The following MSRB3 variants were observed in gnomAD, a reference collection of about 807,000 sequenced individuals.
MSRB3 encodes the protein methionine-R-sulfoxide reductase B3.
In MSRB3, 13 loss-of-function variants were observed where a neutral mutation model predicts 21.0. The observed-to-expected ratio is 0.62, with a 90% confidence interval of 0.40 to 0.98. The LOEUF (loss-of-function observed/expected upper bound fraction) is 0.98, where lower values mean the gene tolerates loss of function less well. MSRB3 is among the 50% of genes least tolerant of loss of function. The pLI, the probability that MSRB3 is intolerant of heterozygous loss-of-function variation, is 0.00. For synonymous variants in MSRB3, 87 were observed against 88.6 expected (o/e 0.98, Z 0.10); for missense variants, 199 against 230.3 (o/e 0.86, Z 0.88).
At chr12:65,318,333 A>G (rs901135535) in intron 2 of MSRB3, among the ~76,000 whole-genome samples, 8 of 152,166 alleles carry the variant, frequency 5.3e-5, no homozygotes, top group African/African-American at 1.9e-4. Context: ...TAAAATTTGC[A>G]TGATAATCTA....
intron 2 of MSRB3, among the ~76,000 whole-genome samples, chr12:65,310,447 G>A (rs1376205245): frequency 6.6e-6 from 1 of 152,176 alleles, no homozygotes; most frequent in African/African-American, 2.4e-5. Flanking sequence ...GTGCTTTGCA[G>A]AACCTTTTCA....
At chr12:65,454,119 A>G in intron 6 of MSRB3, 1 of 597,760 alleles carries the variant, frequency 1.7e-6, no homozygotes, top group Non-Finnish European at 3.0e-6. Flanking sequence ...CCTCGTCTCT[A>G]CAGAAAATAT....
intron 5 of MSRB3, among the ~76,000 whole-genome samples, chr12:65,403,008 C>T (rs1880215578): frequency 6.6e-6 from 1 of 152,210 alleles, no homozygotes; most frequent in African/African-American, 2.4e-5. Flanking sequence ...CGCCAGATGC[C>T]AGCCAGAGCT....
intron 1 of MSRB3, chr12:65,279,481 C>G (rs947209390): frequency 6.6e-6 from 1 of 152,198 alleles, no homozygotes; most frequent in South Asian, 2.1e-4. Context: ...CCTGGCATTT[C>G]ACAGGCCAAA....
chr12:65,339,818 A>G (rs1357365591), intron 4 of MSRB3, among the ~76,000 whole-genome samples: 1 of 152,184 alleles, frequency 6.6e-6, no homozygotes, highest in Non-Finnish European at 1.5e-5. Context: ...ACCAAACTTA[A>G]CAAAAACTGC....
chr12:65,422,649 G>T (rs531635666), intron 5 of MSRB3, among the ~76,000 whole-genome samples: 1 of 151,136 alleles, frequency 6.6e-6, no homozygotes, highest in Non-Finnish European at 1.5e-5. Context: ...GCTGTGGGTA[G>T]TATGAATATT....
chr12:65,312,609 T>A (rs1874052148), intron 2 of MSRB3, among the ~76,000 whole-genome samples: 2 of 152,070 alleles, frequency 1.3e-5, no homozygotes, highest in African/African-American at 4.8e-5. Context: ...TTGGCATATT[T>A]AATAGTTTCC....
At chr12:65,389,335 A>G (rs757263847) in intron 5 of MSRB3, among the ~76,000 whole-genome samples, 1 of 151,552 alleles carries the variant, frequency 6.6e-6, no homozygotes, top group Non-Finnish European at 1.5e-5. Flanking sequence ...ATTTTTTTTT[A>G]ATTGAGACTT....
chr12:65,406,014 C>T (rs1283052786), intron 5 of MSRB3, among the ~76,000 whole-genome samples: 1 of 151,812 alleles, frequency 6.6e-6, no homozygotes, highest in Non-Finnish European at 1.5e-5. Flanking sequence ...TTCTCTTGTT[C>T]TATAGGTTGT....
intron 5 of MSRB3, among the ~76,000 whole-genome samples, chr12:65,401,802 C>G (rs1403262890): frequency 6.6e-6 from 1 of 152,124 alleles, no homozygotes; most frequent in East Asian, 1.9e-4. Flanking sequence ...TAAGGCAAGC[C>G]TGGTGATGAC....
intron 2 of MSRB3, among the ~76,000 whole-genome samples, chr12:65,311,485 C>A (rs915516185): frequency 6.6e-6 from 1 of 151,932 alleles, no homozygotes; most frequent in Non-Finnish European, 1.5e-5. Flanking sequence ...GGATTTTGCT[C>A]TTAGATATAT....
At position 65,455,552 on chromosome 12, in the gene MSRB3, G is replaced by A. The variant is rs968099408; in HGVS notation, c.390+1727G>A. 2.6e-5 allele frequency among the ~76,000 whole-genome samples: 4 copies of A among 152,284 alleles called. No individual in the cohort carries two copies. The East Asian group carries it at 7.7e-4, about 29-fold the overall frequency. ...CTGTTATTTTACAGTTGAGGAAACT[G>A]AGGCACAAAGAGAGCAATTAAACTT... On this transcript the variant is annotated intron_variant, in intron 6 of 6. Transcript: ENST00000308259.
intron 5 of MSRB3, among the ~76,000 whole-genome samples, chr12:65,415,427 T>G (rs1880918482): frequency 6.6e-6 from 1 of 152,138 alleles, no homozygotes; most frequent in Non-Finnish European, 1.5e-5. Flanking sequence ...CCATAGACTC[T>G]TGAAGTTTGT....
At chr12:65,331,212 C>T (rs534825007) in intron 4 of MSRB3, among the ~76,000 whole-genome samples, 1 of 152,064 alleles carries the variant, frequency 6.6e-6, no homozygotes, top group Non-Finnish European at 1.5e-5. Context: ...TCAGTCAGCA[C>T]CCAGTCAGGA....
At chr12:65,349,851 T>C (rs1201635745) in intron 4 of MSRB3, among the ~76,000 whole-genome samples, 4 of 151,960 alleles carry the variant, frequency 2.6e-5, no homozygotes, top group Non-Finnish European at 4.4e-5. Context: ...TTCTCCCGTT[T>C]TGTAGGTTGA....
At chr12:65,389,555 C>T (rs1879366247) in intron 5 of MSRB3, among the ~76,000 whole-genome samples, 1 of 152,168 alleles carries the variant, frequency 6.6e-6, no homozygotes, top group Admixed American at 6.5e-5. Context: ...TTGCTATCCT[C>T]ACGTGTGATT....
At chr12:65,297,706 T>C (rs1873061326) in intron 1 of MSRB3, among the ~76,000 whole-genome samples, 1 of 152,176 alleles carries the variant, frequency 6.6e-6, no homozygotes, top group South Asian at 2.1e-4. Flanking sequence ...CCCTGTCCTG[T>C]AGGTTCTAAT....
chr12:65,332,660 C>T (rs1244861902), intron 4 of MSRB3, among the ~76,000 whole-genome samples: 2 of 152,116 alleles, frequency 1.3e-5, no homozygotes, highest in Non-Finnish European at 2.9e-5. Context: ...ATCATTTCCC[C>T]CACTGCTATT....
Position 65,466,873 on chromosome 12 carries a change from C to A in MSRB3, c.*3551C>A, listed in dbSNP as rs1353175325. The A allele has an allele frequency of 6.6e-6, 1 of 152,150 alleles. No individual in the cohort carries two copies. Among genetic ancestry groups the A allele is most frequent in the African/African-American group, 2.4e-5 (1 of 41,440 alleles). 9.4% of individuals were successfully genotyped at this position (152,150 alleles called of 1,614,324 possible). On this transcript the variant is annotated 3_prime_UTR_variant, in exon 7 of 7. Coordinates refer to ENST00000308259, the MANE Select transcript of MSRB3 (RefSeq NM_001031679.3). ...ACCCTTTTCCTATGTTTATTGTATA[C>A]AAGAATTATGCAATAAAATTTCTTT...
Sources: allele counts gnomAD v4.1 joint callset (sites outside exome capture counted in the v4.1 genomes callset), GRCh38; gene constraint gnomAD v4.1.1; transcripts MANE v1.5; gene names NCBI Gene and HGNC (gene_info 2026-07-23, HGNC 2026-07-21).